IQUB: variants seen among roughly 807,000 people sequenced by gnomAD.
IQUB encodes IQ motif and ubiquitin domain containing.
A neutral mutation model predicts 86.4 loss-of-function variants in IQUB; 86 were observed. That is an observed-to-expected ratio of 1.00 (90% CI 0.84 to 1.19). IQUB has a LOEUF of 1.19. Among genes scored for constraint, IQUB ranks in the 50% most tolerant of loss-of-function variants. The probability of loss-of-function intolerance (pLI) is 0.00; values close to 1 mark genes in which losing one functional copy is unlikely to be tolerated. For synonymous variants in IQUB, 289 were observed against 304.5 expected (o/e 0.95, Z 0.53); for missense variants, 946 against 916.9 (o/e 1.03, Z -0.41).
At chr7:123,460,564 A>G (rs2116961962) in intron 11 of IQUB, among the ~76,000 whole-genome samples, 1 of 152,080 alleles carries the variant, frequency 6.6e-6, no homozygotes, top group South Asian at 2.1e-4. Context: ...TAATGAGGTC[A>G]ATTGTGCTCT....
Position 123,499,229 on chromosome 7 carries a change from C to G in IQUB, c.1024-2323G>C, listed in dbSNP as rs548784980. 9.9e-4 allele frequency among the ~76,000 whole-genome samples: 151 copies of G among 152,068 alleles called. 5 individuals are homozygous for G. In the South Asian group the frequency reaches 0.031, roughly 31 times the overall value. The stretch of plus-strand genomic sequence containing the variant: ...GGGTTCAAGTGATTCTCATGCTTCC[C>G]CTCCTGAGCAGTTGGGACCACAGGC... On this transcript the variant is annotated intron_variant, in intron 6 of 12. Coordinates refer to ENST00000324698, the MANE Select transcript of IQUB (RefSeq NM_178827.5).
At chr7:123,503,696 G>A (rs1258644722) in intron 3 of IQUB, among the ~76,000 whole-genome samples, 1 of 151,646 alleles carries the variant, frequency 6.6e-6, no homozygotes, top group Non-Finnish European at 1.5e-5. Flanking sequence ...GGTGAACTTT[G>A]AAACTTTGAA....
chr7:123,498,745 A>G (rs1188974992), intron 6 of IQUB, among the ~76,000 whole-genome samples: 1 of 152,220 alleles, frequency 6.6e-6, no homozygotes, highest in Non-Finnish European at 1.5e-5. Context: ...AGGAACAAAG[A>G]GCATTTTAAG....
intron 8 of IQUB, among the ~76,000 whole-genome samples, chr7:123,476,703 T>C (rs1280821084): frequency 6.6e-6 from 1 of 151,244 alleles, no homozygotes; most frequent in Non-Finnish European, 1.5e-5. Flanking sequence ...AGCTCATGCA[T>C]ACAAGATAAG....
intron 8 of IQUB, among the ~76,000 whole-genome samples, chr7:123,479,348 G>A (rs1457168676): frequency 8.5e-5 from 13 of 152,206 alleles, no homozygotes. Context: ...TTTGAAGTCA[G>A]TTAATGATGT....
chr7:123,466,519 G>A (rs1794270805), intron 9 of IQUB, among the ~76,000 whole-genome samples: 1 of 152,042 alleles, frequency 6.6e-6, no homozygotes. Context: ...AAACATCTTT[G>A]AAAAGGTAGT....
intron 6 of IQUB, among the ~76,000 whole-genome samples, chr7:123,497,538 T>C (rs751444795): frequency 6.6e-6 from 1 of 151,990 alleles, no homozygotes; most frequent in East Asian, 1.9e-4. Context: ...AAGTACACCA[T>C]AGTACTAAAC....
At chr7:123,526,204 G>C (rs535675304) in intron 1 of IQUB, among the ~76,000 whole-genome samples, 7 of 152,238 alleles carry the variant, frequency 4.6e-5, no homozygotes, top group African/African-American at 1.7e-4. Context: ...GAGTTCTGTA[G>C]ATGTCTATTA....
chr7:123,534,294 G>A (rs767596384), intron 1 of IQUB, among the ~76,000 whole-genome samples, 198 bp downstream of exon 1: 97 of 152,154 alleles, frequency 6.4e-4, no homozygotes, highest in Non-Finnish European at 1.2e-4. Flanking sequence ...AGCCAAAAAA[G>A]GAGCCGAGAA....
chr7:123,502,139 G>A (rs1584615100), intron 6 of IQUB: 1 of 157,086 alleles, frequency 6.4e-6, no homozygotes. Context: ...TAAATTGATG[G>A]TAGGAGGTAG....
At chr7:123,512,789 C>T (rs1169457280) in intron 1 of IQUB, among the ~76,000 whole-genome samples, 1 of 152,138 alleles carries the variant, frequency 6.6e-6, no homozygotes, top group Non-Finnish European at 1.5e-5. Flanking sequence ...TAGCTCTGCT[C>T]TTACAAATTG....
chr7:123,500,667 A>T (rs760420613), intron 6 of IQUB, among the ~76,000 whole-genome samples: 1 of 152,108 alleles, frequency 6.6e-6, no homozygotes, highest in Non-Finnish European at 1.5e-5. Context: ...AACAGGTCAC[A>T]CCTCACTTCC....
At chr7:123,496,622 G>T in intron 7 of IQUB, 74 bp downstream of exon 7, 5 of 877,680 alleles carry the variant, frequency 5.7e-6, no homozygotes, top group Middle Eastern at 3.7e-4. Context: ...CCTTCCTTTT[G>T]TCTGCAGTAA....
chr7:123,461,452 G>GT lies in IQUB; in HGVS notation c.1911dup (p.Arg638ThrfsTer20), dbSNP rs1361283358. 4 of 1,612,010 alleles carry GT rather than the reference G, an allele frequency of 2.5e-6. No homozygotes were observed. In the Admixed American group the frequency reaches 6.7e-5, roughly 27 times the overall value. On this transcript the variant is annotated frameshift_variant, in exon 11 of 13. Coordinates refer to ENST00000324698, the MANE Select transcript of IQUB (RefSeq NM_178827.5). LOFTEE classifies it high-confidence loss of function. ...CATTTGTACTTCAAAAATGATTCTC[G>GT]TTTTTGAGCCTCATTCTGAAGGTTA...
intron 7 of IQUB, among the ~76,000 whole-genome samples, chr7:123,487,814 C>T (rs933864962): frequency 1.3e-5 from 2 of 152,134 alleles, no homozygotes; most frequent in Non-Finnish European, 2.9e-5. Flanking sequence ...GTGTATACTG[C>T]TTTCATAGTA....
intron 1 of IQUB, among the ~76,000 whole-genome samples, chr7:123,526,795 G>A (rs939615787): frequency 1.4e-4 from 22 of 151,976 alleles, no homozygotes; most frequent in Non-Finnish European, 3.1e-4. Context: ...TCCTAGTCTC[G>A]ATGGTCTTTA....
Position 123,503,258 on chromosome 7 carries a change from C to T in IQUB, c.638G>A (p.Arg213Lys), listed in dbSNP as rs769854749. The T allele has an allele frequency of 6.2e-7, 1 of 1,611,442 alleles. No individual in the cohort carries two copies. The highest frequency in any genetic ancestry group is 1.7e-5 in the Admixed American group (1 of 59,912). Residue 213 changes from arginine (R) to lysine (K), a missense_variant, in exon 4 of 13, where the codon AGA becomes AAA. Physicochemically the swap from Arg to Lys is conservative, Grantham distance 26. Transcript: ENST00000324698. ...FSTNPDLYPV[R>K]RIDGLTDVSQ... is the part of the protein sequence containing the mutation. ...GACATCAGTTAATCCATCTATTCTTCTGACTGGATACAGATCTGGATTTGT... is the reference window on the plus strand; with the variant it reads ...GACATCAGTTAATCCATCTATTCTTTTGACTGGATACAGATCTGGATTTGT...
chr7:123,498,796 G>A (rs532669815), intron 6 of IQUB, among the ~76,000 whole-genome samples: 6 of 152,274 alleles, frequency 3.9e-5, no homozygotes, highest in Non-Finnish European at 5.9e-5. Context: ...CTCACATCTC[G>A]CTGTCCAGAT....
intron 8 of IQUB, among the ~76,000 whole-genome samples, chr7:123,475,856 A>C (rs956516379): frequency 1.3e-5 from 2 of 152,164 alleles, no homozygotes; most frequent in Non-Finnish European, 2.9e-5. Context: ...ATGCAAGGTA[A>C]AGCAATTTGC....
Sources: gnomAD v4.1 joint callset for allele counts (sites outside exome capture counted in the v4.1 genomes callset) on GRCh38, gnomAD v4.1.1 for gene constraint, MANE v1.5 for transcripts, NCBI Gene and HGNC (gene_info 2026-07-23, HGNC 2026-07-21) for gene names.